The following GALNT1 variants were observed in gnomAD, a reference collection of about 807,000 sequenced individuals.
GALNT1 encodes the protein GalNAc transferase 1.
GALNT1 carries 17 observed loss-of-function variants against 65.7 expected under a neutral mutation model. The observed-to-expected ratio is 0.26, with a 90% confidence interval of 0.18 to 0.39. The LOEUF (loss-of-function observed/expected upper bound fraction) is 0.39. GALNT1 is among the 10% of genes least tolerant of loss of function. The pLI is 1.00. For synonymous variants in GALNT1, 210 were observed against 219.7 expected (o/e 0.96, Z 0.39); for missense variants, 460 against 672.8 (o/e 0.68, Z 3.50).
intron 1 of GALNT1, among the ~76,000 whole-genome samples, chr18:35,643,809 GA>G (rs756158402): frequency 8.4e-4 from 122 of 145,384 alleles, no homozygotes; most frequent in African/African-American, 3.0e-3. Flanking sequence ...AAAAAAAAAA[GA>G]AAAAAAAACA....
intron 1 of GALNT1, among the ~76,000 whole-genome samples, chr18:35,598,991 GT>G (rs377086201): frequency 0.055 from 6,342 of 114,904 alleles, 239 homozygotes; most frequent in African/African-American, 0.14. Context: ...GTATCCAGGC[GT>G]TTTTTTTTTT....
chr18:35,673,937 A>G (rs564150444), intron 3 of GALNT1, among the ~76,000 whole-genome samples: 1 of 152,236 alleles, frequency 6.6e-6, no homozygotes, highest in African/African-American at 2.4e-5. Flanking sequence ...GGTACAGCCT[A>G]CTACACACCT....
At chr18:35,700,078 C>T (rs200241319) in intron 9 of GALNT1, among the ~76,000 whole-genome samples, 1 of 152,154 alleles carries the variant, frequency 6.6e-6, no homozygotes, top group East Asian at 1.9e-4. Flanking sequence ...AAACTTACCC[C>T]ATAGTCAACC....
chr18:35,704,886 T>C (rs553577991), intron 11 of GALNT1, among the ~76,000 whole-genome samples: 53 of 151,136 alleles, frequency 3.5e-4, no homozygotes, highest in Non-Finnish European at 7.2e-4. Flanking sequence ...TCAGGTGATC[T>C]GCCCACCTCG....
At chr18:35,617,502 C>T (rs957523305) in intron 1 of GALNT1, among the ~76,000 whole-genome samples, 2 of 152,144 alleles carry the variant, frequency 1.3e-5, no homozygotes, top group African/African-American at 4.8e-5. Flanking sequence ...GTAGACAGAA[C>T]AGTGAAACGA....
intron 1 of GALNT1, among the ~76,000 whole-genome samples, chr18:35,613,828 A>C (rs1598784225): frequency 6.6e-6 from 1 of 152,128 alleles, no homozygotes; most frequent in East Asian, 1.9e-4. Context: ...CTGCAGTTCC[A>C]CTCTAACTGG....
intron 1 of GALNT1, among the ~76,000 whole-genome samples, chr18:35,621,344 A>G (rs578005156): frequency 6.8e-6 from 1 of 146,010 alleles, no homozygotes; most frequent in South Asian, 2.2e-4. Context: ...ACACCTGGCT[A>G]ATTTTCTTTT....
intron 4 of GALNT1, among the ~76,000 whole-genome samples, chr18:35,679,470 C>T (rs950240320): frequency 1.3e-5 from 2 of 152,134 alleles, no homozygotes; most frequent in East Asian, 1.9e-4. Flanking sequence ...TATAGCAGTT[C>T]TCTCTTTCCT....
At chr18:35,611,926 C>T (rs1430818449) in intron 1 of GALNT1, among the ~76,000 whole-genome samples, 1 of 152,070 alleles carries the variant, frequency 6.6e-6, no homozygotes, top group Non-Finnish European at 1.5e-5. Context: ...CACAAAAATC[C>T]TGTCTCTAAA....
intron 1 of GALNT1, among the ~76,000 whole-genome samples, chr18:35,648,951 A>G (rs559793163): frequency 6.6e-6 from 1 of 152,320 alleles, no homozygotes; most frequent in African/African-American, 2.4e-5. Context: ...GTGGTGTTTC[A>G]TTGTATAAAT....
intron 8 of GALNT1, 82 bp downstream of exon 8, chr18:35,691,274 T>A: frequency 7.8e-7 from 1 of 1,279,954 alleles, no homozygotes; most frequent in Non-Finnish European, 1.1e-6. Flanking sequence ...AGGTTAGAAG[T>A]GAAGCTTTGA....
chr18:35,708,291 T>C (rs2048298980), intron 11 of GALNT1, among the ~76,000 whole-genome samples: 2 of 152,186 alleles, frequency 1.3e-5, no homozygotes. Flanking sequence ...TTCTAGGTTC[T>C]AGTCTTATAT....
intron 1 of GALNT1, among the ~76,000 whole-genome samples, chr18:35,584,166 C>T (rs1001554755): frequency 6.6e-6 from 1 of 152,168 alleles, no homozygotes; most frequent in East Asian, 1.9e-4. Flanking sequence ...ACTGTCCTGG[C>T]TTTCTTTGAT....
chr18:35,610,144 C>T (rs1009477625), intron 1 of GALNT1, among the ~76,000 whole-genome samples: 4 of 152,182 alleles, frequency 2.6e-5, no homozygotes, highest in Non-Finnish European at 5.9e-5. Context: ...GAAAGCATGA[C>T]GTAATTGGGC....
chr18:35,675,385 G>C (rs1292900445), intron 3 of GALNT1, among the ~76,000 whole-genome samples: 1 of 152,140 alleles, frequency 6.6e-6, no homozygotes, highest in African/African-American at 2.4e-5. Flanking sequence ...TTAACCATTT[G>C]ATTTAAAAAA....
At chr18:35,685,318 C>T (rs1401435849) in intron 5 of GALNT1, among the ~76,000 whole-genome samples, 1 of 151,946 alleles carries the variant, frequency 6.6e-6, no homozygotes, top group African/African-American at 2.4e-5. Context: ...TTAATACATC[C>T]CATTAATGTA....
At chr18:35,677,481 C>T in intron 3 of GALNT1, 110 bp from the exon 4 acceptor site, 1 of 703,608 alleles carries the variant, frequency 1.4e-6, no homozygotes, top group South Asian at 3.5e-5. Flanking sequence ...ACCAAGGATC[C>T]CACCACTAGA....
chr18:35,704,531 C>A (rs1370873658), intron 11 of GALNT1, among the ~76,000 whole-genome samples: 1 of 151,986 alleles, frequency 6.6e-6, no homozygotes, highest in Non-Finnish European at 1.5e-5. Flanking sequence ...TGGTCTTGAG[C>A]ACTTAGGCTC....
chr18:35,619,344 C>T (rs549632467), intron 1 of GALNT1, among the ~76,000 whole-genome samples: 43 of 152,184 alleles, frequency 2.8e-4, no homozygotes, highest in African/African-American at 9.4e-4. Flanking sequence ...AGTTAGTAAC[C>T]TAGTAACATC....
Sources: gnomAD v4.1 joint callset for allele counts (sites outside exome capture counted in the v4.1 genomes callset) on GRCh38, gnomAD v4.1.1 for gene constraint, MANE v1.5 for transcripts, NCBI Gene and HGNC (gene_info 2026-07-23, HGNC 2026-07-21) for gene names.